The following WDR86 variants were observed in gnomAD, a reference collection of about 807,000 sequenced individuals.
WDR86 encodes the protein WD repeat domain 86.
Under a neutral mutation model 36.5 loss-of-function variants are expected in WDR86, and 30 were observed. That is an observed-to-expected ratio of 0.82 (90% confidence interval 0.61 to 1.11). The LOEUF (loss-of-function observed/expected upper bound fraction) is 1.11. WDR86 is among the 50% of genes most tolerant of loss of function. The pLI is 0.00. For missense variants in WDR86, 545 were observed against 561.2 expected (o/e 0.97, Z 0.29); for synonymous variants, 255 against 252.9 (o/e 1.01, Z -0.08).
intron 1 of WDR86, among the ~76,000 whole-genome samples, chr7:151,404,336 G>C (rs1408973351): frequency 6.6e-6 from 1 of 152,214 alleles, no homozygotes; most frequent in Non-Finnish European, 1.5e-5. Flanking sequence ...CAGCGTTCAG[G>C]GTTCTGCTGT....
chr7:151,378,467 C>T (rs529795622), downstream of WDR86: 1 of 152,330 alleles, frequency 6.6e-6, no homozygotes, highest in South Asian at 2.1e-4. Context: ...CCTAATTTTG[C>T]ATTAATTTAC....
chr7:151,402,696 A>C (rs1291190362), intron 1 of WDR86, among the ~76,000 whole-genome samples: 9 of 146,414 alleles, frequency 6.1e-5, no homozygotes, highest in Non-Finnish European at 1.4e-4. Flanking sequence ...GCCAGAATGG[A>C]GGGCCAAGAG....
At position 151,388,434 on chromosome 7, in the gene WDR86, C is replaced by G. The variant is rs1369684390; in HGVS notation, c.727-3211G>C. 6.8e-6 allele frequency among the ~76,000 whole-genome samples: 1 copy of G among 148,092 alleles called. No homozygotes were observed. The highest frequency in any genetic ancestry group is 6.8e-5 in the Admixed American group (1 of 14,762). On this transcript the variant is annotated intron_variant, in intron 3 of 5. Transcript: ENST00000334493. This position sits in a 1 kb window ranked among gnomAD's most constrained non-coding sequence, Gnocchi z 4.2. ...AGAACCTGGGCGACCCCTCAAAGAG[C>G]AGGGGAGAGGGCTGCCCTGCAGCGC...
Position 151,395,761 on chromosome 7 carries a change from C to T in WDR86, c.726+15G>A. On this transcript the variant is annotated intron_variant, in intron 3 of 5. Transcript: ENST00000334493. ...GGCTCCCCTGGCTGCTGGGCGGGGA[C>T]CAGGACAGTCTCACCTCCAGACAGA... is the stretch of plus-strand genomic sequence containing the variant. 6.5e-7 allele frequency: 1 copy of T among 1,542,988 alleles called. No individual in the cohort carries two copies. Among genetic ancestry groups the T allele is most frequent in the Non-Finnish European group, 8.7e-7 (1 of 1,143,678 alleles).
intron 1 of WDR86, among the ~76,000 whole-genome samples, chr7:151,407,778 T>G (rs1180113789): frequency 6.6e-6 from 1 of 151,860 alleles, no homozygotes; most frequent in Admixed American, 6.6e-5. Flanking sequence ...GAGGCGGAGG[T>G]TGCAGTGAGC....
At chr7:151,394,107 G>A (rs766509741) in intron 3 of WDR86, among the ~76,000 whole-genome samples, 1 of 152,154 alleles carries the variant, frequency 6.6e-6, no homozygotes, top group Non-Finnish European at 1.5e-5. Context: ...GGCCCGGACT[G>A]CTGTGCCCCT....
chr7:151,374,828 C>T (rs957895930), downstream of WDR86, among the ~76,000 whole-genome samples: 2 of 152,176 alleles, frequency 1.3e-5, no homozygotes, highest in African/African-American at 2.4e-5. Flanking sequence ...ATGGAACCAC[C>T]CTCTGCCCTC....
Position 151,396,097 on chromosome 7 carries a change from GC to G in WDR86, c.404del (p.Gly135AlafsTer7). Reference protein sequence around the residue: ...DKGQMSREFRGHRNCVLTLAY... With the variant: ...DKGQMSREFRXHRNCVLTLAY... ...CTAGGGTCAGCACGCAGTTGCGGTGGCCCCGGAACTCCCGGGACATCTGCCC... is the reference window on the plus strand; with the variant it reads ...CTAGGGTCAGCACGCAGTTGCGGTGGCCCGGAACTCCCGGGACATCTGCCC... On this transcript the variant is annotated frameshift_variant, in exon 3 of 6. Coordinates refer to ENST00000334493, the MANE Select transcript of WDR86 (RefSeq NM_198285.3). LOFTEE classifies it high-confidence loss of function. 1.9e-6 allele frequency: 3 copies of G among 1,612,816 alleles called. No homozygotes were observed. Among genetic ancestry groups the G allele is most frequent in the Non-Finnish European group, 2.5e-6 (3 of 1,179,876 alleles).
rs1323934316 is a variant in WDR86 at position 151,405,129 on chromosome 7, T to C, written c.163+4298A>G. Among the ~76,000 whole-genome samples, 1 of 152,046 alleles carries C rather than the reference T, an allele frequency of 6.6e-6. No homozygotes were observed. The highest frequency in any genetic ancestry group is 1.5e-5 in the Non-Finnish European group (1 of 67,982). On this transcript the variant is annotated intron_variant, in intron 1 of 5. Transcript: ENST00000334493. This position sits in a 1 kb window ranked among gnomAD's most constrained non-coding sequence, Gnocchi z 4.7. ...TCCTCTGCTCCCCAATCCCCCTCTT[T>C]TCCACCCTGCCACCGCCATCTGCAT...
At chr7:151,374,904 A>C (rs1283394616), downstream of WDR86, among the ~76,000 whole-genome samples, 1 of 152,208 alleles carries the variant, frequency 6.6e-6, no homozygotes. Context: ...GAGGGGGTGC[A>C]CAGGAGGCAG....
At chr7:151,399,150 C>T (rs557948145) in intron 2 of WDR86, among the ~76,000 whole-genome samples, 43 of 152,322 alleles carry the variant, frequency 2.8e-4, no homozygotes, top group African/African-American at 9.4e-4. Flanking sequence ...AAAAAGTCCC[C>T]GCATCCCTTC....
intron 3 of WDR86, among the ~76,000 whole-genome samples, chr7:151,395,519 ACACACACACACACACACACG>A (rs1799753427): frequency 6.6e-6 from 1 of 151,028 alleles, no homozygotes; most frequent in Non-Finnish European, 1.5e-5. Context: ...ACACACACAC[ACACACACACACACACACACG>A]AGGACAGGGA....
At chr7:151,391,867 G>GAGA (rs76110880) in intron 3 of WDR86, among the ~76,000 whole-genome samples, 59,853 of 151,606 alleles carry the variant, frequency 0.39, 13,170 homozygotes, top group Non-Finnish European at 0.51. Flanking sequence ...CGCACCGTGA[G>GAGA]GCTGACACCT....
intron 1 of WDR86, among the ~76,000 whole-genome samples, chr7:151,408,194 CTTTTCTTTTTTT>C (rs1800871184): frequency 8.0e-6 from 1 of 124,672 alleles, no homozygotes; most frequent in Non-Finnish European, 1.7e-5. Context: ...TTTTTCTTTT[CTTTTCTTTTTTT>C]TTTTTTTTTA....
chr7:151,385,035 AGAG>A, intron 4 of WDR86, 50 bp downstream of exon 4: 1 of 1,522,086 alleles, frequency 6.6e-7, no homozygotes, highest in Non-Finnish European at 8.9e-7. Flanking sequence ...AAAGAAGCAG[AGAG>A]GAGAAGCCAG....
chr7:151,371,423 A>G (rs1797954901), downstream of WDR86, among the ~76,000 whole-genome samples: 1 of 130,844 alleles, frequency 7.6e-6, no homozygotes, highest in African/African-American at 2.9e-5. Flanking sequence ...TCTGTGTCCC[A>G]GAATCCTCAG....
At chr7:151,386,896 A>T (rs1585004028) in intron 3 of WDR86, among the ~76,000 whole-genome samples, 1 of 152,062 alleles carries the variant, frequency 6.6e-6, no homozygotes, top group East Asian at 1.9e-4. Flanking sequence ...GTTTCCTACA[A>T]GTCCTCCCTG....
chr7:151,386,386 C>T (rs1272276376), intron 3 of WDR86, among the ~76,000 whole-genome samples: 1 of 152,222 alleles, frequency 6.6e-6, no homozygotes, highest in Non-Finnish European at 1.5e-5. Context: ...GGCAGTGGAA[C>T]CACGAGGAGC....
intron 3 of WDR86, among the ~76,000 whole-genome samples, chr7:151,385,657 C>T (rs1390760860): frequency 2.6e-5 from 4 of 152,126 alleles, no homozygotes; most frequent in South Asian, 2.1e-4. Flanking sequence ...AAGCCCTGAG[C>T]GAGGGTGTGA....
Sources: gnomAD v4.1 joint callset for allele counts (sites outside exome capture counted in the v4.1 genomes callset) on GRCh38, gnomAD v4.1.1 for gene constraint, Gnocchi (gnomAD v3.1) non-coding constraint, MANE v1.5 for transcripts, NCBI Gene and HGNC (gene_info 2026-07-23, HGNC 2026-07-21) for gene names.